Variants in CERS6 observed in about 807,000 individuals in gnomAD.
CERS6 encodes the protein LAG1 homolog, ceramide synthase 6.
A neutral mutation model predicts 56.8 loss-of-function variants in CERS6; 26 were observed. The observed-to-expected ratio is 0.46, with a 90% CI of 0.34 to 0.63. The LOEUF (loss-of-function observed/expected upper bound fraction) is 0.63. Among genes scored for constraint, CERS6 ranks in the 30% least tolerant of loss-of-function variants. The pLI is 0.01. For missense variants in CERS6, 415 were observed against 467.5 expected (o/e 0.89, Z 1.04); for synonymous variants, 164 against 173.3 (o/e 0.95, Z 0.42).
chr2:168,680,224 G>C (rs774373028), intron 4 of CERS6, among the ~76,000 whole-genome samples: 34 of 152,194 alleles, frequency 2.2e-4, no homozygotes, highest in Non-Finnish European at 4.0e-4. Flanking sequence ...GGAGAGCAGG[G>C]GATGCTGGCT....
chr2:168,668,691 T>C (rs1167541615), intron 4 of CERS6, among the ~76,000 whole-genome samples: 1 of 152,092 alleles, frequency 6.6e-6, no homozygotes, highest in African/African-American at 2.4e-5. Flanking sequence ...TGACCTCAGG[T>C]AATCTGCCCA....
At chr2:168,705,580 C>A (rs1686919927) in intron 6 of CERS6, among the ~76,000 whole-genome samples, 1 of 152,152 alleles carries the variant, frequency 6.6e-6, no homozygotes. Flanking sequence ...TGACAATTTA[C>A]ATGCCATCCC....
chr2:168,594,547 T>C (rs1390813694), intron 3 of CERS6, among the ~76,000 whole-genome samples: 2 of 152,166 alleles, frequency 1.3e-5, no homozygotes, highest in Non-Finnish European at 2.9e-5. Context: ...ATCATGCCAC[T>C]GCACTCCAGC....
chr2:168,549,748 G>A (rs549552486), intron 2 of CERS6, among the ~76,000 whole-genome samples: 10 of 152,272 alleles, frequency 6.6e-5, no homozygotes, highest in Non-Finnish European at 8.8e-5. Flanking sequence ...AAACAGAAGC[G>A]TCATGTAAAA....
intron 4 of CERS6, among the ~76,000 whole-genome samples, chr2:168,665,615 C>T (rs1685738136): frequency 1.3e-5 from 2 of 152,194 alleles, no homozygotes; most frequent in Admixed American, 6.5e-5. Flanking sequence ...CACCTTCTCT[C>T]TTACTGTATT....
At chr2:168,686,451 CAA>C (rs370352582) in intron 4 of CERS6, among the ~76,000 whole-genome samples, 2 of 139,786 alleles carry the variant, frequency 1.4e-5, no homozygotes, top group African/African-American at 2.7e-5. Context: ...TTAACCAAGG[CAA>C]AAAAAAAAAA....
chr2:168,499,129 G>A (rs1271878170), intron 1 of CERS6, among the ~76,000 whole-genome samples: 1 of 152,130 alleles, frequency 6.6e-6, no homozygotes, highest in Non-Finnish European at 1.5e-5. Flanking sequence ...ACCTGCCCCA[G>A]GTCCTGTCCC....
At chr2:168,565,731 A>G (rs1195619393) in intron 3 of CERS6, among the ~76,000 whole-genome samples, 1 of 152,010 alleles carries the variant, frequency 6.6e-6, no homozygotes, top group Non-Finnish European at 1.5e-5. Context: ...CATTGACATG[A>G]TTTTTTTTCT....
At chr2:168,667,945 A>G (rs1685806131) in intron 4 of CERS6, among the ~76,000 whole-genome samples, 1 of 152,218 alleles carries the variant, frequency 6.6e-6, no homozygotes. Context: ...TGACTTGAGC[A>G]TAATATTTGT....
chr2:168,644,089 A>G, intron 4 of CERS6: 1 of 985,262 alleles, frequency 1.0e-6, no homozygotes, highest in Non-Finnish European at 1.2e-6. Flanking sequence ...TTATCCTTAA[A>G]CAGCTTACAG....
At chr2:168,574,758 C>G (rs182492052) in intron 3 of CERS6, among the ~76,000 whole-genome samples, 167 of 152,264 alleles carry the variant, frequency 1.1e-3, no homozygotes, top group African/African-American at 3.8e-3. Context: ...TAATACCATT[C>G]TAAGCTTGCT....
intron 1 of CERS6, among the ~76,000 whole-genome samples, chr2:168,534,447 T>A (rs966458822): frequency 9.9e-5 from 15 of 151,896 alleles, no homozygotes; most frequent in Non-Finnish European, 1.9e-4. Flanking sequence ...TGTCGTTGCT[T>A]TCTGTTTGTT....
intron 3 of CERS6, among the ~76,000 whole-genome samples, chr2:168,594,903 C>T (rs757735920): frequency 1.3e-5 from 2 of 152,118 alleles, no homozygotes; most frequent in South Asian, 2.1e-4. Context: ...CCTGTGTATT[C>T]GGGCTGTGTT....
At chr2:168,563,776 G>A (rs535562162) in intron 3 of CERS6, among the ~76,000 whole-genome samples, 3 of 152,224 alleles carry the variant, frequency 2.0e-5, no homozygotes, top group African/African-American at 4.8e-5. Context: ...CAGCTTGGGC[G>A]ACAGAGCAAG....
intron 1 of CERS6, among the ~76,000 whole-genome samples, chr2:168,540,617 A>G (rs759428308): frequency 1.4e-4 from 21 of 152,214 alleles, no homozygotes; most frequent in Non-Finnish European, 2.4e-4. Context: ...AGACAAAACC[A>G]CCTAATCATG....
chr2:168,684,922 T>TC (rs370468566), intron 4 of CERS6, among the ~76,000 whole-genome samples: 1 of 152,122 alleles, frequency 6.6e-6, no homozygotes, highest in Non-Finnish European at 1.5e-5. Flanking sequence ...ATGTTTTTTT[T>TC]CTTAGAGTAA....
At chr2:168,590,430 T>G (rs1216006850) in intron 3 of CERS6, among the ~76,000 whole-genome samples, 2 of 152,220 alleles carry the variant, frequency 1.3e-5, no homozygotes, top group Non-Finnish European at 2.9e-5. Flanking sequence ...TATGTATTTA[T>G]AAATATACAT....
rs116771439 is a variant in CERS6, at chr2:168,706,692, T to G, written c.610-8309T>G. 3.9e-3 allele frequency among the ~76,000 whole-genome samples: 599 copies of G among 152,342 alleles called. 6 individuals are homozygous for G. The highest frequency in any genetic ancestry group is 0.014 in the African/African-American group (587 of 41,578). On this transcript the variant is annotated intron_variant, in intron 6 of 9. Transcript: ENST00000305747. ...GATTACATCCGGACAGCTATGAAAATTAAATCTCTTGACACATTTTTTGGT... is the reference window on the plus strand; with the variant it reads ...GATTACATCCGGACAGCTATGAAAAGTAAATCTCTTGACACATTTTTTGGT...
At chr2:168,464,699 A>T (rs1006196341) in intron 1 of CERS6, among the ~76,000 whole-genome samples, 3 of 122,314 alleles carry the variant, frequency 2.5e-5, no homozygotes, top group African/African-American at 1.3e-4. Context: ...AGCCTAAATT[A>T]AAAAAAAAAA....
Sources: allele counts gnomAD v4.1 joint callset (sites outside exome capture counted in the v4.1 genomes callset), GRCh38; gene constraint gnomAD v4.1.1; transcripts MANE v1.5; gene names NCBI Gene and HGNC (gene_info 2026-07-23, HGNC 2026-07-21).